LINC00305: variants seen among roughly 807,000 people sequenced by gnomAD.
The protein encoded by LINC00305 is long independently transcribed non-coding RNA 305.
chr18:64,097,739 A>C (rs2051250477), intron 3 of LINC00305: 2 of 380,346 alleles, frequency 5.3e-6, no homozygotes, highest in Non-Finnish European at 1.0e-5. Context: ...TATTATTTCA[A>C]GTCCTCATAT....
At chr18:64,083,268 C>A (rs1189536565) in intron 3 of LINC00305, among the ~76,000 whole-genome samples, 10 of 152,136 alleles carry the variant, frequency 6.6e-5, no homozygotes, top group Non-Finnish European at 1.2e-4. Context: ...GTCTTTGCAG[C>A]TTCCCCTTGC....
intron 3 of LINC00305, among the ~76,000 whole-genome samples, chr18:64,090,199 G>C (rs1241432362): frequency 6.6e-6 from 1 of 152,222 alleles, no homozygotes; most frequent in Non-Finnish European, 1.5e-5. Context: ...AAAGCATTAA[G>C]TGAGCTTTTT....
chr18:64,119,017 A>C (rs2051350224), intron 1 of LINC00305, among the ~76,000 whole-genome samples: 1 of 152,136 alleles, frequency 6.6e-6, no homozygotes, highest in African/African-American at 2.4e-5. Context: ...ACTTTTGTCC[A>C]AGTATACAAA....
chr18:64,086,090 C>T (rs765097834), intron 3 of LINC00305, among the ~76,000 whole-genome samples: 19 of 152,096 alleles, frequency 1.2e-4, no homozygotes, highest in Non-Finnish European at 1.8e-4. Flanking sequence ...CTATAATGCA[C>T]GCAAAGTTAG....
chr18:64,098,104 T>C, intron 2 of LINC00305: 1 of 419,574 alleles, frequency 2.4e-6, no homozygotes, highest in Non-Finnish European at 4.9e-6. Flanking sequence ...CAAAGTTCTC[T>C]GACCAACATT....
intron 1 of LINC00305, among the ~76,000 whole-genome samples, chr18:64,143,057 G>A (rs2051471785): frequency 6.6e-6 from 1 of 152,124 alleles, no homozygotes; most frequent in Non-Finnish European, 1.5e-5. Context: ...GTGCCATGAG[G>A]GGAAGGGGAA....
intron 1 of LINC00305, among the ~76,000 whole-genome samples, chr18:64,141,551 C>G (rs1008419937): frequency 2.0e-5 from 3 of 152,152 alleles, no homozygotes; most frequent in African/African-American, 7.2e-5. Flanking sequence ...TTCGCAGGCC[C>G]AGTGACTGTA....
At chr18:64,108,419 G>A (rs1417533683) in intron 1 of LINC00305, among the ~76,000 whole-genome samples, 2 of 152,162 alleles carry the variant, frequency 1.3e-5, no homozygotes, top group Admixed American at 6.5e-5. Context: ...GGTGCACAGA[G>A]AGAAGGAAAG....
At chr18:64,097,547 T>C in intron 3 of LINC00305, among the ~76,000 whole-genome samples, 1 of 151,972 alleles carries the variant, frequency 6.6e-6, no homozygotes, top group Non-Finnish European at 1.5e-5. Flanking sequence ...TAATTTCAGA[T>C]TTGCTTGTTC....
intron 1 of LINC00305, among the ~76,000 whole-genome samples, chr18:64,109,325 G>A (rs1203716544): frequency 6.6e-6 from 1 of 152,104 alleles, no homozygotes; most frequent in Non-Finnish European, 1.5e-5. Flanking sequence ...AATGCAAGAT[G>A]GTGTGAAAGG....
intron 3 of LINC00305, among the ~76,000 whole-genome samples, chr18:64,090,338 T>G (rs2051220094): frequency 6.6e-6 from 1 of 152,236 alleles, no homozygotes; most frequent in Non-Finnish European, 1.5e-5. Flanking sequence ...AACCTCATTC[T>G]TCTAAAGAGG....
At chr18:64,118,126 G>A (rs1457910560) in intron 1 of LINC00305, among the ~76,000 whole-genome samples, 1 of 152,072 alleles carries the variant, frequency 6.6e-6, no homozygotes, top group Admixed American at 6.6e-5. Context: ...TTCTAGTCAG[G>A]GGGTGTCTCT....
intron 1 of LINC00305, among the ~76,000 whole-genome samples, chr18:64,111,067 C>T (rs1474518994): frequency 6.6e-6 from 1 of 152,160 alleles, no homozygotes; most frequent in Non-Finnish European, 1.5e-5. Flanking sequence ...GATTGACAAT[C>T]ATGGATCAAA....
intron 3 of LINC00305, among the ~76,000 whole-genome samples, chr18:64,090,531 A>G (rs1052638591): frequency 6.6e-6 from 1 of 152,238 alleles, no homozygotes; most frequent in African/African-American, 2.4e-5. Context: ...GGTTTATGTG[A>G]GAAAAATACC....
exon 3 of LINC00305, chr18:64,097,980 G>A (rs1177115626): frequency 2.2e-6 from 1 of 457,820 alleles, no homozygotes; most frequent in Admixed American, 2.3e-5. Flanking sequence ...ATCTTTGCAG[G>A]TCGCAGAGAT....
intron 2 of LINC00305, chr18:64,098,468 A>G (rs765316923): frequency 7.7e-5 from 32 of 413,922 alleles, no homozygotes; most frequent in Non-Finnish European, 1.4e-4. Flanking sequence ...TCATGTACTC[A>G]TAAGTAACAT....
intron 3 of LINC00305, among the ~76,000 whole-genome samples, chr18:64,083,959 C>T (rs948058267): frequency 6.6e-6 from 1 of 152,124 alleles, no homozygotes; most frequent in Non-Finnish European, 1.5e-5. Flanking sequence ...AGGGAGGATC[C>T]CCATGCTGGG....
At chr18:64,122,927 T>A (rs2144260696) in intron 1 of LINC00305, among the ~76,000 whole-genome samples, 1 of 152,238 alleles carries the variant, frequency 6.6e-6, no homozygotes, top group Admixed American at 6.5e-5. Flanking sequence ...AATATATACT[T>A]AGATATTTCA....
intron 3 of LINC00305, among the ~76,000 whole-genome samples, chr18:64,093,883 G>A (rs1183029991): frequency 6.6e-6 from 1 of 151,940 alleles, no homozygotes; most frequent in Non-Finnish European, 1.5e-5. Context: ...AAAACCAGGA[G>A]GCATTGGTCA....
Sources: gnomAD v4.1 joint callset for allele counts (sites outside exome capture counted in the v4.1 genomes callset) on GRCh38, gnomAD v4.1.1 for gene constraint, MANE v1.5 for transcripts, NCBI Gene and HGNC (gene_info 2026-07-23, HGNC 2026-07-21) for gene names.